The following ARGLU1 variants were observed in gnomAD, a reference collection of about 807,000 sequenced individuals.
ARGLU1 encodes the protein arginine and glutamate rich 1.
A neutral mutation model predicts 37.6 loss-of-function variants in ARGLU1; 9 were observed. That is an observed-to-expected ratio of 0.24 (90% CI 0.14 to 0.42). ARGLU1 has a LOEUF of 0.42. Among genes scored for constraint, ARGLU1 ranks in the 10% least tolerant of loss-of-function variants. The pLI is 1.00. For synonymous variants in ARGLU1, 166 were observed against 138.5 expected (o/e 1.20, Z -1.39); for missense variants, 211 against 359.2 (o/e 0.59, Z 3.34).
chr13:106,546,880 T>A (rs932479262), intron 3 of ARGLU1, among the ~76,000 whole-genome samples: 3 of 152,194 alleles, frequency 2.0e-5, no homozygotes, highest in Non-Finnish European at 4.4e-5. Flanking sequence ...AGCACACTGC[T>A]GTGGTTTCAG....
At position 106,567,439 on chromosome 13, in the gene ARGLU1, G is replaced by T. The variant is rs1249152040; in HGVS notation, c.347+134C>A. On this transcript the variant is annotated intron_variant, in intron 1 of 3. Coordinates refer to ENST00000400198, the MANE Select transcript of ARGLU1 (RefSeq NM_018011.4). This position sits in a 1 kb window ranked among gnomAD's most constrained non-coding sequence, Gnocchi z 4.3. ...CGCCCCGCCGCCGCCTCTCCGACCC[G>T]TTCCCGCGCCCGGTCCCCAGCCCCG... is the stretch of plus-strand genomic sequence containing the variant. The T allele has an allele frequency of 3.4e-6, 2 of 588,218 alleles. No homozygotes were observed. Among genetic ancestry groups the T allele is most frequent in the Non-Finnish European group, 5.5e-6 (2 of 364,284 alleles). The allele number at this position is 588,218 out of a possible 1,614,324, so 36.4% of individuals were successfully genotyped here.
chr13:106,558,305 A>T, intron 2 of ARGLU1: 1 of 984,974 alleles, frequency 1.0e-6, no homozygotes, highest in South Asian at 4.7e-5. Flanking sequence ...TATAAATATA[A>T]GCATGTATAT....
chr13:106,556,013 T>C (rs1213130845), intron 3 of ARGLU1, among the ~76,000 whole-genome samples: 2 of 152,182 alleles, frequency 1.3e-5, no homozygotes, highest in Non-Finnish European at 2.9e-5. Flanking sequence ...TAACCTCAAA[T>C]TCAGATTGAA....
intron 1 of ARGLU1, chr13:106,561,999 T>G: frequency 6.6e-6 from 1 of 152,140 alleles, no homozygotes; most frequent in Non-Finnish European, 1.5e-5. Flanking sequence ...GGAGGGCAAG[T>G]GGAAAGTCCC....
chr13:106,559,247 TTTAAG>T (rs1347408226), intron 2 of ARGLU1, 180 bp downstream of exon 2: 4 of 1,530,590 alleles, frequency 2.6e-6, no homozygotes, highest in Non-Finnish European at 3.5e-6. Context: ...GCTTCCAACT[TTTAAG>T]TTATCAGTCA....
intron 2 of ARGLU1, chr13:106,558,567 T>C (rs1880716389): frequency 3.0e-6 from 3 of 985,470 alleles, no homozygotes; most frequent in Non-Finnish European, 3.6e-6. Flanking sequence ...GTAATTTGCC[T>C]TGAGTGTTTC....
intron 1 of ARGLU1, among the ~76,000 whole-genome samples, chr13:106,560,984 T>C (rs1332396511): frequency 3.9e-5 from 6 of 152,232 alleles, no homozygotes; most frequent in African/African-American, 1.4e-4. Context: ...ACTTATTCAG[T>C]GATAACACAC....
chr13:106,549,033 G>A (rs1880466846), intron 3 of ARGLU1, among the ~76,000 whole-genome samples: 1 of 152,194 alleles, frequency 6.6e-6, no homozygotes, highest in Admixed American at 6.5e-5. Context: ...TTACAGGCGT[G>A]AGCCACTGTG....
intron 3 of ARGLU1, among the ~76,000 whole-genome samples, chr13:106,549,924 T>A (rs1339435186): frequency 3.9e-5 from 6 of 152,156 alleles, no homozygotes; most frequent in Non-Finnish European, 5.9e-5. Context: ...CCAAGGAAAA[T>A]CAGATGCCTT....
chr13:106,555,115 T>C (rs540390494), intron 3 of ARGLU1, among the ~76,000 whole-genome samples: 1 of 152,190 alleles, frequency 6.6e-6, no homozygotes, highest in African/African-American at 2.4e-5. Context: ...CCCAGCACTT[T>C]GGGAAGCCAA....
rs566260979 is a variant in ARGLU1 at position 106,559,934 on chromosome 13, G to A, written c.348-277C>T. ...GCCTAATTCATTAGTTCTAATTTAG[G>A]AACAATAAATCCGGACAGAAAACCT... On this transcript the variant is annotated intron_variant, in intron 1 of 3. Transcript: ENST00000400198. Among the ~76,000 whole-genome samples, 16 of 152,198 alleles carry A rather than the reference G, an allele frequency of 1.1e-4. No homozygotes were observed. The East Asian group carries it at 2.3e-3, about 22-fold the overall frequency.
rs1478323627 is a variant in ARGLU1, at chr13:106,543,189, T to G, written c.*807A>C. 6.6e-6 allele frequency: 1 copy of G among 152,522 alleles called. No individual in the cohort carries two copies. The highest frequency in any genetic ancestry group is 1.5e-5 in the Non-Finnish European group (1 of 67,960). 9.4% of individuals were successfully genotyped at this position (152,522 alleles called of 1,614,324 possible). A position where few individuals can be genotyped will look rare whatever the true frequency, so the allele number is the denominator to read the frequency against. ...TTAAATACTAATTCACAAGTATATT[T>G]AATGTACATATAAACCCTATGTTAA... On this transcript the variant is annotated 3_prime_UTR_variant, in exon 4 of 4. Coordinates refer to ENST00000400198, the MANE Select transcript of ARGLU1 (RefSeq NM_018011.4).
chr13:106,560,378 A>T (rs2138973837), intron 1 of ARGLU1, among the ~76,000 whole-genome samples: 1 of 152,302 alleles, frequency 6.6e-6, no homozygotes, highest in South Asian at 2.1e-4. Flanking sequence ...TTGATATTAT[A>T]AACCAATTTA....
chr13:106,545,290 T>C (rs1880362431), intron 3 of ARGLU1, among the ~76,000 whole-genome samples: 1 of 152,206 alleles, frequency 6.6e-6, no homozygotes, highest in Non-Finnish European at 1.5e-5. Context: ...TGATTTATCC[T>C]TTTTCCCCTC....
intron 3 of ARGLU1, among the ~76,000 whole-genome samples, chr13:106,548,905 C>T (rs9587154): frequency 6.6e-6 from 1 of 152,134 alleles, no homozygotes; most frequent in African/African-American, 2.4e-5. Flanking sequence ...CGTGCCACAA[C>T]GCCCGGCTCC....
In ARGLU1 at chr13:106,543,794, A is replaced by C; in HGVS notation, c.*202T>G. 2.0e-6 allele frequency: 1 copy of C among 502,206 alleles called. No individual in the cohort carries two copies. Among genetic ancestry groups the C allele is most frequent in the South Asian group, 2.7e-5 (1 of 37,518 alleles). 31.1% of individuals were successfully genotyped at this position (502,206 alleles called of 1,614,324 possible). On this transcript the variant is annotated 3_prime_UTR_variant, in exon 4 of 4. Coordinates refer to ENST00000400198, the MANE Select transcript of ARGLU1 (RefSeq NM_018011.4). ...ATACGTCACTCCTTAGAATACAACA[A>C]TGATCTGATAAGGATTTGACTTAGT...
chr13:106,558,561 T>A (rs1880716217), intron 2 of ARGLU1: 2 of 985,474 alleles, frequency 2.0e-6, no homozygotes, highest in Non-Finnish European at 2.4e-6. Flanking sequence ...TGTAAAGTAA[T>A]TTGCCTTGAG....
intron 1 of ARGLU1, among the ~76,000 whole-genome samples, chr13:106,564,440 AGG>A (rs1880902952): frequency 6.6e-6 from 1 of 152,252 alleles, no homozygotes; most frequent in Non-Finnish European, 1.5e-5. Context: ...TAAACCAATA[AGG>A]TTTCCAATCT....
intron 3 of ARGLU1, among the ~76,000 whole-genome samples, chr13:106,547,012 T>C (rs1176277013): frequency 6.6e-6 from 1 of 152,124 alleles, no homozygotes; most frequent in African/African-American, 2.4e-5. Flanking sequence ...AATTCTGTTA[T>C]TACCCGAGTG....
Sources: allele counts gnomAD v4.1 joint callset (sites outside exome capture counted in the v4.1 genomes callset), GRCh38; gene constraint gnomAD v4.1.1; non-coding constraint Gnocchi (gnomAD v3.1); transcripts MANE v1.5; gene names NCBI Gene and HGNC (gene_info 2026-07-23, HGNC 2026-07-21).